Variants in SMARCC1 observed in about 807,000 individuals in gnomAD.
SMARCC1 encodes the protein SWI/SNF complex subunit SMARCC1.
SMARCC1 carries 43 observed loss-of-function variants against 147.4 expected under a neutral mutation model. That is an observed-to-expected ratio of 0.29 (90% CI 0.23 to 0.38). The LOEUF (loss-of-function observed/expected upper bound fraction) is 0.38, where lower values mean the gene tolerates loss of function less well. Ranked by LOEUF, SMARCC1 falls within the 10% of genes least tolerant of loss-of-function variation. SMARCC1 has a pLI of 1.00. For missense variants in SMARCC1, 1,119 were observed against 1,381.1 expected (o/e 0.81, Z 3.01); for synonymous variants, 495 against 484.4 (o/e 1.02, Z -0.29).
intron 9 of SMARCC1, among the ~76,000 whole-genome samples, chr3:47,706,825 T>C (rs1460699965): frequency 6.6e-6 from 1 of 152,226 alleles, no homozygotes; most frequent in Non-Finnish European, 1.5e-5. Flanking sequence ...CATTCTGTTT[T>C]GAGGTGAGAA....
At position 47,659,750 on chromosome 3, in the gene SMARCC1, G is replaced by GA. The variant is rs1285743822; in HGVS notation, c.2320+1543dup. 2.9e-3 allele frequency among the ~76,000 whole-genome samples: 118 copies of GA among 40,490 alleles called. 2 individuals are homozygous for GA. The highest frequency in any genetic ancestry group is 4.8e-3 in the Admixed American group (13 of 2,702). 26.6% of individuals were successfully genotyped at this position (40,490 alleles called of 152,430 possible). A position where few individuals can be genotyped will look rare whatever the true frequency, so the allele number is the denominator to read the frequency against. On this transcript the variant is annotated intron_variant, in intron 21 of 27. Transcript: ENST00000254480. Reference sequence around the variant, plus strand: ...TGCTCTAAGACATAAAGTCTACTAAGAAAAAAAAAAGGGGGGGGGGGCAAG... The same window carrying GA: ...TGCTCTAAGACATAAAGTCTACTAAGAAAAAAAAAAAGGGGGGGGGGGCAAG...
chr3:47,633,775 T>TACACACAC (rs778383062), intron 24 of SMARCC1, among the ~76,000 whole-genome samples: 4 of 18,612 alleles, frequency 2.1e-4, no homozygotes, highest in African/African-American at 3.8e-4. Flanking sequence ...TATATATATA[T>TACACACAC]ATATACACAC....
rs1365253390 is a variant in SMARCC1, at chr3:47,587,641, C to CA, written c.*567dup. ...ACAAATTTGTGTGTGGCAAAAGTCT[C>CA]AAACTTTACCATCAGCACCATTCTT... On this transcript the variant is annotated 3_prime_UTR_variant, in exon 28 of 28. Transcript: ENST00000254480. 1.3e-5 allele frequency: 2 copies of CA among 152,770 alleles called. No individual in the cohort carries two copies. The highest frequency in any genetic ancestry group is 4.8e-5 in the African/African-American group (2 of 41,452). 9.5% of individuals were successfully genotyped at this position (152,770 alleles called of 1,614,324 possible). A position where few individuals can be genotyped will look rare whatever the true frequency, so the allele number is the denominator to read the frequency against.
intron 7 of SMARCC1, among the ~76,000 whole-genome samples, chr3:47,715,112 A>G (rs945297322): frequency 3.9e-5 from 6 of 152,074 alleles, no homozygotes; most frequent in Non-Finnish European, 7.4e-5. Context: ...TCAACCTCCA[A>G]AAGTTCCTGG....
chr3:47,719,574 C>T (rs544834955), intron 7 of SMARCC1, among the ~76,000 whole-genome samples: 1 of 151,628 alleles, frequency 6.6e-6, no homozygotes, highest in Non-Finnish European at 1.5e-5. Context: ...GGTTGGGGGG[C>T]ATCTGTAATC....
chr3:47,769,278 A>G (rs1300138114), intron 2 of SMARCC1, among the ~76,000 whole-genome samples: 2 of 149,608 alleles, frequency 1.3e-5, no homozygotes, highest in Non-Finnish European at 3.0e-5. Context: ...GCACTTTGAG[A>G]AGCAGAGGTG....
intron 2 of SMARCC1, among the ~76,000 whole-genome samples, chr3:47,766,613 T>C (rs1229486047): frequency 6.6e-6 from 1 of 152,098 alleles, no homozygotes; most frequent in Non-Finnish European, 1.5e-5. Context: ...ATTATTACAA[T>C]TATGTTTACA....
chr3:47,772,039 A>T (rs2034920478), intron 2 of SMARCC1, among the ~76,000 whole-genome samples: 2 of 152,094 alleles, frequency 1.3e-5, no homozygotes, highest in South Asian at 4.1e-4. Context: ...ACTGCACTCT[A>T]GCCTGGGTGA....
intron 14 of SMARCC1, among the ~76,000 whole-genome samples, chr3:47,684,239 C>CA (rs759227252): frequency 0.024 from 1,173 of 48,892 alleles, 19 homozygotes; most frequent in Non-Finnish European, 0.029. Context: ...GACTCCGTCT[C>CA]AAAAAAAAAA....
At chr3:47,779,546 CAAAGGT>C (rs779277511) in intron 1 of SMARCC1, among the ~76,000 whole-genome samples, 3 of 152,170 alleles carry the variant, frequency 2.0e-5, no homozygotes, top group Non-Finnish European at 4.4e-5. Flanking sequence ...CCTGAGAAGT[CAAAGGT>C]AACTTTGTCT....
At chr3:47,618,387 A>C (rs2032676915) in intron 25 of SMARCC1, among the ~76,000 whole-genome samples, 1 of 151,598 alleles carries the variant, frequency 6.6e-6, no homozygotes, top group Non-Finnish European at 1.5e-5. Context: ...ATTTAAAAAA[A>C]AAAAAAAAAT....
intron 2 of SMARCC1, among the ~76,000 whole-genome samples, chr3:47,755,989 TAAAAAAAAAA>T (rs34001771): frequency 1.7e-4 from 4 of 22,910 alleles, no homozygotes; most frequent in South Asian, 2.5e-3. Flanking sequence ...GGCTTCATCT[TAAAAAAAAAA>T]AAAAAAAAAA....
chr3:47,722,551 C>T (rs2034245699), intron 6 of SMARCC1, among the ~76,000 whole-genome samples: 1 of 152,056 alleles, frequency 6.6e-6, no homozygotes, highest in African/African-American at 2.4e-5. Context: ...CCACCTCGGC[C>T]TCCCAAAGTG....
chr3:47,711,297 C>G (rs900167466), intron 8 of SMARCC1, among the ~76,000 whole-genome samples: 1 of 152,118 alleles, frequency 6.6e-6, no homozygotes, highest in African/African-American at 2.4e-5. Flanking sequence ...TCTTCCTAGT[C>G]CTTTATATGG....
chr3:47,726,119 C>T (rs1485137802), intron 6 of SMARCC1, among the ~76,000 whole-genome samples: 1 of 143,906 alleles, frequency 6.9e-6, no homozygotes, highest in African/African-American at 2.5e-5. Context: ...TCTCAATTAG[C>T]CTGTTATTAA....
intron 14 of SMARCC1, among the ~76,000 whole-genome samples, chr3:47,684,935 A>G (rs2033702033): frequency 6.6e-6 from 1 of 152,238 alleles, no homozygotes; most frequent in South Asian, 2.1e-4. Context: ...ACCAATAATA[A>G]AAAAGAACAA....
At chr3:47,700,067 T>C (rs1450628716) in intron 11 of SMARCC1, among the ~76,000 whole-genome samples, 1 of 152,008 alleles carries the variant, frequency 6.6e-6, no homozygotes, top group Non-Finnish European at 1.5e-5. Flanking sequence ...AAAAGAGATA[T>C]AATTTACTAC....
chr3:47,685,412 T>C (rs773941239), intron 14 of SMARCC1, among the ~76,000 whole-genome samples: 21 of 152,192 alleles, frequency 1.4e-4, no homozygotes, highest in Non-Finnish European at 2.9e-5. Context: ...CTTTTTATAA[T>C]AATTTAAAAC....
intron 21 of SMARCC1, among the ~76,000 whole-genome samples, chr3:47,641,596 T>C (rs1030793248): frequency 6.6e-6 from 1 of 152,138 alleles, no homozygotes; most frequent in Non-Finnish European, 1.5e-5. Context: ...GAAATAATGA[T>C]AGGGTTTAGG....
Sources: gnomAD v4.1 joint callset for allele counts (sites outside exome capture counted in the v4.1 genomes callset) on GRCh38, gnomAD v4.1.1 for gene constraint, MANE v1.5 for transcripts, NCBI Gene and HGNC (gene_info 2026-07-23, HGNC 2026-07-21) for gene names.